UGGT1: variants seen among roughly 807,000 people sequenced by gnomAD.
UGGT1 encodes the protein UDP-glucose:glycoprotein glucosyltransferase 1.
A neutral mutation model predicts 203.9 loss-of-function variants in UGGT1; 107 were observed. The ratio of observed to expected loss-of-function variants is 0.52; its 90% CI spans 0.45 to 0.62. The LOEUF (loss-of-function observed/expected upper bound fraction) is 0.62, where lower values mean the gene tolerates loss of function less well. UGGT1 is among the 20% of genes least tolerant of loss of function. The probability of loss-of-function intolerance (pLI) is 0.00; values close to 1 mark genes in which losing one functional copy is unlikely to be tolerated. For missense variants in UGGT1, 1,673 were observed against 1,867.2 expected (o/e 0.90, Z 1.92); for synonymous variants, 628 against 653.5 (o/e 0.96, Z 0.59).
rs1687757693 is a variant in UGGT1 at position 128,109,560 on chromosome 2, A to G, written c.409-74A>G. The G allele has an allele frequency of 6.6e-6, 8 of 1,205,478 alleles. No individual in the cohort carries two copies. In the East Asian group the frequency reaches 7.1e-5, roughly 11 times the overall value. The allele number at this position is 1,205,478 out of a possible 1,614,324, so 74.7% of individuals were successfully genotyped here. A position where few individuals can be genotyped will look rare whatever the true frequency, so the allele number is the denominator to read the frequency against. On this transcript the variant is annotated intron_variant, in intron 4 of 40. Transcript: ENST00000259253. Reference sequence around the variant, plus strand: ...TTGTTTTGTCATAATTTAATCACCTATTTTGATTATACATGTCTTTATCTC... The same window carrying G: ...TTGTTTTGTCATAATTTAATCACCTGTTTTGATTATACATGTCTTTATCTC...
At chr2:128,158,334 G>A (rs1690346432) in intron 22 of UGGT1, among the ~76,000 whole-genome samples, 1 of 152,188 alleles carries the variant, frequency 6.6e-6, no homozygotes, top group African/African-American at 2.4e-5. Context: ...AAAAAATAGA[G>A]AATTCTCAAG....
intron 34 of UGGT1, among the ~76,000 whole-genome samples, chr2:128,179,047 G>A (rs1354926847): frequency 1.3e-5 from 2 of 152,172 alleles, no homozygotes; most frequent in Admixed American, 6.5e-5. Context: ...CACAGCTACA[G>A]CCAGAAGAGG....
chr2:128,098,120 C>T (rs372726306), intron 2 of UGGT1, among the ~76,000 whole-genome samples: 16 of 152,270 alleles, frequency 1.1e-4, no homozygotes, highest in African/African-American at 3.8e-4. Flanking sequence ...ACCTTGGCCT[C>T]CCAAAGTGCT....
At chr2:128,129,624 C>G (rs929539725) in intron 13 of UGGT1, among the ~76,000 whole-genome samples, 6 of 151,944 alleles carry the variant, frequency 3.9e-5, no homozygotes, top group African/African-American at 9.7e-5. Flanking sequence ...GTCTCAAACT[C>G]CTGACCTCAG....
intron 39 of UGGT1, 27 bp downstream of exon 39, chr2:128,186,826 A>G: frequency 1.3e-6 from 2 of 1,534,838 alleles, no homozygotes; most frequent in Non-Finnish European, 9.0e-7. Flanking sequence ...GTGCTTCTGC[A>G]TGTTCATCCA....
chr2:128,176,003 C>CAAT (rs752196561), intron 31 of UGGT1, among the ~76,000 whole-genome samples: 2 of 152,228 alleles, frequency 1.3e-5, no homozygotes, highest in Non-Finnish European at 2.9e-5. Flanking sequence ...GAATTTGTTA[C>CAAT]AGTTTTTCTG....
At chr2:128,115,262 T>G (rs1437487217) in intron 7 of UGGT1, 42 bp downstream of exon 7, 1 of 1,540,388 alleles carries the variant, frequency 6.5e-7, no homozygotes, top group East Asian at 2.3e-5. Flanking sequence ...TCTTCAAATA[T>G]GAGTTAAAGG....
At chr2:128,172,891 C>T (rs1395883812) in intron 29 of UGGT1, 129 bp downstream of exon 29, 4 of 825,980 alleles carry the variant, frequency 4.8e-6, no homozygotes, top group Non-Finnish European at 7.4e-6. Flanking sequence ...GCTTTATTCA[C>T]ATGGAACTCA....
In UGGT1 at chr2:128,127,458, GATA is replaced by G. The variant is rs1267883382; in HGVS notation, c.1226+10_1226+12del. 3 of 1,599,376 alleles carry G rather than the reference GATA, an allele frequency of 1.9e-6. No homozygotes were observed. The highest frequency in any genetic ancestry group is 2.7e-5 in the African/African-American group (2 of 74,518). ...GATACACAGGATATATTCAGGTATG[GATA>G]ATATTTTTCATTCTCTGAAAAGTTT... On this transcript the variant is annotated splice_region_variant and intron_variant, in intron 12 of 40. Coordinates refer to ENST00000259253, the MANE Select transcript of UGGT1 (RefSeq NM_020120.4).
intron 3 of UGGT1, among the ~76,000 whole-genome samples, chr2:128,107,264 T>C (rs1009667115): frequency 1.6e-4 from 24 of 152,346 alleles, no homozygotes; most frequent in African/African-American, 5.8e-4. Flanking sequence ...ATCCTGGGGA[T>C]TTTTTCACAT....
chr2:128,180,870 G>C lies in UGGT1; in HGVS notation c.3901-20G>C, dbSNP rs751452238. ...TAATCAGAAGAAATGATTATTTGTTGTTCCCATGTCTAAAAATAGGAGTTT... is the reference window on the plus strand; with the variant it reads ...TAATCAGAAGAAATGATTATTTGTTCTTCCCATGTCTAAAAATAGGAGTTT... On this transcript the variant is annotated intron_variant, in intron 35 of 40. Coordinates refer to ENST00000259253, the MANE Select transcript of UGGT1 (RefSeq NM_020120.4). The C allele has an allele frequency of 5.0e-6, 8 of 1,600,800 alleles. No individual in the cohort carries two copies. Among genetic ancestry groups the C allele is most frequent in the African/African-American group, 1.3e-5 (1 of 74,398 alleles).
In UGGT1 at chr2:128,159,930, T is replaced by A. The variant is rs74657683; in HGVS notation, c.2562+210T>A. Among the ~76,000 whole-genome samples, 1,275 of 152,314 alleles carry A rather than the reference T, an allele frequency of 8.4e-3. 17 individuals carry two copies. Among genetic ancestry groups the A allele is most frequent in the African/African-American group, 0.026 (1,073 of 41,552 alleles). ...GCATGATTTGAGTTTTTGTGTGTTTTAAGTATGGAGCCATTTGTTATGCAC... is the reference window on the plus strand; with the variant it reads ...GCATGATTTGAGTTTTTGTGTGTTTAAAGTATGGAGCCATTTGTTATGCAC... On this transcript the variant is annotated intron_variant, in intron 23 of 40. Coordinates refer to ENST00000259253, the MANE Select transcript of UGGT1 (RefSeq NM_020120.4).
Position 128,091,253 on chromosome 2 carries a change from G to C in UGGT1, c.-105G>C. 8.1e-7 allele frequency: 1 copy of C among 1,233,112 alleles called. No homozygotes were observed. The highest frequency in any genetic ancestry group is 1.1e-6 in the Non-Finnish European group (1 of 918,610). 76.4% of individuals were successfully genotyped at this position (1,233,112 alleles called of 1,614,324 possible). A position where few individuals can be genotyped will look rare whatever the true frequency, so the allele number is the denominator to read the frequency against. ...TGTTGAGTCGAGCCGCGGGAAAGGC[G>C]CGTGTCGGCCTCTCACTGGCGCAGC... On this transcript the variant is annotated 5_prime_UTR_variant, in exon 1 of 41. Coordinates refer to ENST00000259253, the MANE Select transcript of UGGT1 (RefSeq NM_020120.4).
In UGGT1 at chr2:128,103,989, A is replaced by G. The variant is rs1687494934; in HGVS notation, c.252A>G (p.Gln84=). Residue 84 remains glutamine (Q), a synonymous_variant, in exon 3 of 41, where the codon CAA becomes CAG. Transcript: ENST00000259253. ...EKFWNFVEAS[Q]NIGSSDHDGT... ...TTTGGAATTTTGTAGAAGCCAGTCA[A>G]AATATTGGATCATCAGATCATGACG... The G allele has an allele frequency of 8.2e-6, 13 of 1,591,808 alleles. No individual in the cohort carries two copies. The highest frequency in any genetic ancestry group is 1.7e-4 in the Middle Eastern group (1 of 5,982).
chr2:128,147,842 C>G (rs143691332), intron 18 of UGGT1, among the ~76,000 whole-genome samples: 1 of 152,200 alleles, frequency 6.6e-6, no homozygotes, highest in Non-Finnish European at 1.5e-5. Flanking sequence ...AGGTCGCGAA[C>G]TCCTGGGCCC....
Position 128,192,860 on chromosome 2 carries a change from A to G in UGGT1, c.*3118A>G, listed in dbSNP as rs922365031. 6.6e-6 allele frequency: 1 copy of G among 151,900 alleles called. No individual in the cohort carries two copies. The highest frequency in any genetic ancestry group is 2.4e-5 in the African/African-American group (1 of 41,342). 9.4% of individuals were successfully genotyped at this position (151,900 alleles called of 1,614,324 possible). ...GGGTGAATGCCTCTTGGGAGAGCGA[A>G]GATTACGTGCATGATGTATGTTAAG... On this transcript the variant is annotated 3_prime_UTR_variant, in exon 41 of 41. Coordinates refer to ENST00000259253, the MANE Select transcript of UGGT1 (RefSeq NM_020120.4).
chr2:128,154,646 C>G (rs1245028463), intron 19 of UGGT1, among the ~76,000 whole-genome samples: 1 of 152,158 alleles, frequency 6.6e-6, no homozygotes, highest in Non-Finnish European at 1.5e-5. Flanking sequence ...GACTTATTTT[C>G]TACGGTTTTC....
chr2:128,158,428 A>G (rs978519046), intron 22 of UGGT1, among the ~76,000 whole-genome samples: 13 of 152,206 alleles, frequency 8.5e-5, no homozygotes, highest in Admixed American at 7.9e-4. Context: ...ATTAGGGAAT[A>G]GGTTTGCCTA....
chr2:128,121,114 G>A (rs1424242983), intron 9 of UGGT1, 85 bp from the exon 10 acceptor site: 2 of 1,250,990 alleles, frequency 1.6e-6, no homozygotes, highest in East Asian at 4.7e-5. Flanking sequence ...ACCATGAAAA[G>A]AGTGGGAAGT....
Sources: gnomAD v4.1 joint callset for allele counts (sites outside exome capture counted in the v4.1 genomes callset) on GRCh38, gnomAD v4.1.1 for gene constraint, MANE v1.5 for transcripts, NCBI Gene and HGNC (gene_info 2026-07-23, HGNC 2026-07-21) for gene names.